CRISP2: variants seen among roughly 807,000 people sequenced by gnomAD.
CRISP2 encodes cysteine rich secretory protein 2, also known as cysteine-rich secretory protein 2.
CRISP2 carries 29 observed loss-of-function variants against 31.7 expected under a neutral mutation model. The ratio of observed to expected loss-of-function variants is 0.92; its 90% CI spans 0.68 to 1.25. CRISP2 has a LOEUF of 1.25. Among genes scored for constraint, CRISP2 ranks in the 50% most tolerant of loss-of-function variants. CRISP2 has a pLI of 0.00. For missense variants in CRISP2, 318 were observed against 286.5 expected, an observed-to-expected ratio of 1.11 and a Z score of -0.79; for synonymous variants, 111 against 101.4, an observed-to-expected ratio of 1.09 and a Z score of -0.57.
chr6:49,699,478 T>G (rs1200861725), intron 6 of CRISP2, among the ~76,000 whole-genome samples: 1 of 152,052 alleles, frequency 6.6e-6, no homozygotes, highest in African/African-American at 2.4e-5. Context: ...ATGACACTGT[T>G]TCAGATTATG....
chr6:49,713,128 A>G (rs920475300), intron 1 of CRISP2, among the ~76,000 whole-genome samples: 2 of 152,184 alleles, frequency 1.3e-5, no homozygotes, highest in African/African-American at 4.8e-5. Context: ...CATCAATTAG[A>G]AACTAAGAGT....
the CRISP2 span, among the ~76,000 whole-genome samples, chr6:49,685,159 A>G: frequency 6.6e-6 from 1 of 152,206 alleles, no homozygotes; most frequent in Non-Finnish European, 1.5e-5. Flanking sequence ...CTGCAGTGAT[A>G]AAGATGGACA....
chr6:49,677,978 T>A, the CRISP2 span, among the ~76,000 whole-genome samples: 22 of 152,256 alleles, frequency 1.4e-4, no homozygotes, highest in African/African-American at 5.1e-4. Flanking sequence ...CAACTCCTAC[T>A]AAAGATCTCT....
intron 8 of CRISP2, among the ~76,000 whole-genome samples, chr6:49,696,814 T>C (rs1764843351): frequency 6.6e-6 from 1 of 152,058 alleles, no homozygotes; most frequent in Non-Finnish European, 1.5e-5. Flanking sequence ...AATATAGCTG[T>C]GTGTGTATGA....
the CRISP2 span, among the ~76,000 whole-genome samples, chr6:49,681,647 A>G: frequency 1.3e-5 from 2 of 152,198 alleles, no homozygotes; most frequent in Non-Finnish European, 2.9e-5. Context: ...TGTTTTACAT[A>G]TAATATCATG....
At chr6:49,695,093 T>G (rs1764529786) in intron 9 of CRISP2, among the ~76,000 whole-genome samples, 1 of 152,146 alleles carries the variant, frequency 6.6e-6, no homozygotes, top group African/African-American at 2.4e-5. Flanking sequence ...AAAATTTCAG[T>G]GATGGTGTCA....
At chr6:49,677,363 G>C in the CRISP2 span, among the ~76,000 whole-genome samples, 108 of 152,230 alleles carry the variant, frequency 7.1e-4, no homozygotes, top group Admixed American at 2.3e-3. Flanking sequence ...GAGAGAGTGA[G>C]AACATGGCAT....
At chr6:49,682,585 C>T in the CRISP2 span, among the ~76,000 whole-genome samples, 2 of 67,334 alleles carry the variant, frequency 3.0e-5, no homozygotes, top group African/African-American at 6.1e-5. Flanking sequence ...TTCTTTCTTT[C>T]TTTTTCTTTC....
chr6:49,699,978 A>C, intron 5 of CRISP2, 87 bp from the exon 6 acceptor site: 1 of 1,196,056 alleles, frequency 8.4e-7, no homozygotes, highest in South Asian at 1.3e-5. Flanking sequence ...AATACTTTAA[A>C]ATTTCTGTAG....
the CRISP2 span, among the ~76,000 whole-genome samples, chr6:49,680,928 C>T: frequency 2.0e-5 from 3 of 152,156 alleles, no homozygotes; most frequent in Non-Finnish European, 4.4e-5. Context: ...CAAAAATTGT[C>T]ACCCATTATG....
the CRISP2 span, among the ~76,000 whole-genome samples, chr6:49,687,216 C>G: frequency 6.6e-6 from 1 of 152,260 alleles, no homozygotes; most frequent in African/African-American, 2.4e-5. Context: ...ATACAATTAT[C>G]AGTACTGTCT....
the CRISP2 span, among the ~76,000 whole-genome samples, chr6:49,680,888 A>G: frequency 6.6e-6 from 1 of 152,140 alleles, no homozygotes; most frequent in Non-Finnish European, 1.5e-5. Context: ...TAGATGCTAG[A>G]TATTAGACCT....
intron 2 of CRISP2, among the ~76,000 whole-genome samples, chr6:49,711,704 GA>G (rs1207011410): frequency 1.3e-5 from 2 of 152,120 alleles, no homozygotes; most frequent in African/African-American, 2.4e-5. Context: ...AGCTGTCTAT[GA>G]TTTTTACTTT....
At chr6:49,705,227 G>T (rs956992570) in intron 4 of CRISP2, among the ~76,000 whole-genome samples, 1 of 152,004 alleles carries the variant, frequency 6.6e-6, no homozygotes, top group Admixed American at 6.6e-5. Flanking sequence ...GGCCAATGGA[G>T]TTATGTTCCA....
At chr6:49,685,075 T>C in the CRISP2 span, among the ~76,000 whole-genome samples, 1 of 152,338 alleles carries the variant, frequency 6.6e-6, no homozygotes, top group African/African-American at 2.4e-5. Context: ...GTTTCTGTTT[T>C]GGGCTCCCCG....
chr6:49,706,355 C>T (rs916129154), intron 4 of CRISP2, among the ~76,000 whole-genome samples: 8 of 151,990 alleles, frequency 5.3e-5, no homozygotes, highest in African/African-American at 1.7e-4. Context: ...TTATGGGTTG[C>T]TTAAAAGATA....
At chr6:49,704,517 G>A (rs957469292) in intron 4 of CRISP2, among the ~76,000 whole-genome samples, 3 of 152,142 alleles carry the variant, frequency 2.0e-5, no homozygotes, top group African/African-American at 7.2e-5. Context: ...AAGGGCTGCT[G>A]TTCAGGTTCT....
At chr6:49,709,395 T>C (rs1335144654) in intron 3 of CRISP2, among the ~76,000 whole-genome samples, 190 bp from the exon 4 acceptor site, 3 of 152,194 alleles carry the variant, frequency 2.0e-5, no homozygotes, top group African/African-American at 7.2e-5. Context: ...TTGTCTTTGA[T>C]AGTGACAATA....
At chr6:49,698,769 T>C (rs1765179251) in intron 6 of CRISP2, among the ~76,000 whole-genome samples, 1 of 152,146 alleles carries the variant, frequency 6.6e-6, no homozygotes, top group Non-Finnish European at 1.5e-5. Flanking sequence ...CCTTGCATGC[T>C]AAATTTTCCA....
Sources: allele counts gnomAD v4.1 joint callset (sites outside exome capture counted in the v4.1 genomes callset), GRCh38; gene constraint gnomAD v4.1.1; transcripts MANE v1.5; gene names NCBI Gene and HGNC (gene_info 2026-07-23, HGNC 2026-07-21).